Variants in RBSN observed in about 807,000 individuals in gnomAD.
RBSN encodes rabenosyn-5.
A neutral mutation model predicts 60.5 loss-of-function variants in RBSN; 34 were observed. The observed-to-expected ratio is 0.56, with a 90% CI of 0.43 to 0.75. RBSN has a LOEUF of 0.75. Ranked by LOEUF, RBSN falls within the 30% of genes least tolerant of loss-of-function variation. The pLI is 0.00. For synonymous variants in RBSN, 322 were observed against 366.9 expected (o/e 0.88, Z 1.40); for missense variants, 845 against 986.8 (o/e 0.86, Z 1.92).
intron 4 of RBSN, among the ~76,000 whole-genome samples, chr3:15,095,320 G>A (rs546890614): frequency 1.9e-4 from 29 of 149,954 alleles, no homozygotes; most frequent in African/African-American, 6.4e-4. Context: ...CACTGTGCCC[G>A]CCCAGAGGAG....
Position 15,074,145 on chromosome 3 carries a change from G to T in RBSN, c.1992C>A (p.Phe664Leu). 1.2e-6 allele frequency: 2 copies of T among 1,613,976 alleles called. No individual in the cohort carries two copies. The highest frequency in any genetic ancestry group is 1.7e-5 in the Admixed American group (1 of 60,000). Residue 664 changes from phenylalanine (F) to leucine (L), a missense_variant, in exon 14 of 14, where the codon TTC (phenylalanine) becomes TTA (leucine). Coordinates refer to ENST00000253699, the MANE Select transcript of RBSN (RefSeq NM_022340.4). The surrounding 1 kb of genome is among the most constrained non-coding windows in gnomAD (Gnocchi z 6.4). Reference sequence around the variant, plus strand: ...CTTCCTCCTCCTCGTCCTCTTCCTCGAAAGGATTGTACTCTTTCAGGATGC... The same window carrying T: ...CTTCCTCCTCCTCGTCCTCTTCCTCTAAAGGATTGTACTCTTTCAGGATGC... ...SARILKEYNPFEEEDEEEEAV... is the reference protein window; with the variant it reads ...SARILKEYNPLEEEDEEEEAV...
intron 5 of RBSN, among the ~76,000 whole-genome samples, chr3:15,087,439 G>A (rs917991771): frequency 2.0e-5 from 3 of 152,168 alleles, no homozygotes; most frequent in Non-Finnish European, 4.4e-5. Context: ...TGAACCCAGA[G>A]GCAAAGGTTG....
intron 4 of RBSN, among the ~76,000 whole-genome samples, chr3:15,093,750 G>A (rs2043577494): frequency 6.6e-6 from 1 of 152,114 alleles, no homozygotes; most frequent in African/African-American, 2.4e-5. Flanking sequence ...TGCCCAGGCT[G>A]GAGTGCAGTG....
rs2043289841 is a variant in RBSN at position 15,084,621 on chromosome 3, A to G, written c.598+114T>C. 3.7e-6 allele frequency: 5 copies of G among 1,339,008 alleles called. No individual in the cohort carries two copies. In the East Asian group the frequency reaches 1.2e-4, roughly 31 times the overall value. The allele number at this position is 1,339,008 out of a possible 1,614,324, so 82.9% of individuals were successfully genotyped here. ...AGAAACAGCAACTCAATGAATGAAG[A>G]TTCCCATGAGCCATTAATTTAACAA... is the stretch of plus-strand genomic sequence containing the variant. On this transcript the variant is annotated intron_variant, in intron 8 of 13. Transcript: ENST00000253699. The surrounding 1 kb of genome is among the most constrained non-coding windows in gnomAD (Gnocchi z 4.2).
chr3:15,075,374 T>C (rs1425941505), intron 13 of RBSN: 6 of 663,598 alleles, frequency 9.0e-6, no homozygotes, highest in South Asian at 1.5e-5. Context: ...TGTGGTATTC[T>C]AGCCATGAGA....
chr3:15,091,428 T>G, intron 4 of RBSN: 2 of 1,268,264 alleles, frequency 1.6e-6, no homozygotes, highest in Non-Finnish European at 2.0e-6. Flanking sequence ...TCCCCACTAC[T>G]GCCCACGCAC....
rs1050101359 is a variant in RBSN, at chr3:15,080,787, T to G, written c.856A>C (p.Met286Leu). The G allele has an allele frequency of 1.2e-6, 2 of 1,613,998 alleles. No individual in the cohort carries two copies. Among genetic ancestry groups the G allele is most frequent in the Admixed American group, 3.3e-5 (2 of 59,988 alleles). The change falls in exon 10 of 14, where the codon ATG (methionine) becomes CTG (leucine). Residue 286 changes from methionine to leucine, a missense_variant. Physicochemically the swap from Met to Leu is conservative, Grantham distance 15. Coordinates refer to ENST00000253699, the MANE Select transcript of RBSN (RefSeq NM_022340.4). ...GGAGCTTTCTGGTCAACTTTCTCCA[T>G]GCAAAGTCGTAATTTCTAAGAACAA... ...VKLYEKLRLC[M>L]EKVDQKAPEY...
Position 15,074,743 on chromosome 3 carries a change from T to G in RBSN, c.1394A>C (p.Asn465Thr). 4 of 1,614,242 alleles carry G rather than the reference T, an allele frequency of 2.5e-6. No individual in the cohort carries two copies. Among genetic ancestry groups the G allele is most frequent in the Non-Finnish European group, 2.5e-6 (3 of 1,180,038 alleles). Residue 465 changes from asparagine to threonine, a missense_variant, in exon 14 of 14, where the codon AAC becomes ACC. Asn to Thr is a moderately conservative substitution (Grantham distance 65, BLOSUM62 0). Coordinates refer to ENST00000253699, the MANE Select transcript of RBSN (RefSeq NM_022340.4). This position sits in a 1 kb window ranked among gnomAD's most constrained non-coding sequence, Gnocchi z 6.4. ...DSDPLLQQIH[N>T]ITSFIRQAKA... ...GGCCTGCCTGATGAATGATGTGATGTTGTGGATCTGCTGGAGGAGCGGGTC... is the reference window on the plus strand; with the variant it reads ...GGCCTGCCTGATGAATGATGTGATGGTGTGGATCTGCTGGAGGAGCGGGTC...
intron 5 of RBSN, among the ~76,000 whole-genome samples, chr3:15,087,805 G>C (rs370429024): frequency 6.6e-6 from 1 of 152,074 alleles, no homozygotes; most frequent in Non-Finnish European, 1.5e-5. Flanking sequence ...ATTTTTAGTA[G>C]AGACAGGGTC....
In RBSN at chr3:15,073,797, C is replaced by A. The variant is rs142390372; in HGVS notation, c.2340G>T (p.Lys780Asn). Reference protein sequence around the residue: ...RELKHTLAKQKGGTD With the variant: ...RELKHTLAKQNGGTD ...CCACTGCTGGTCAGTCAGTGCCCCC[C>A]TTCTGCTTGGCCAGGGTGTGCTTCA... is the stretch of plus-strand genomic sequence containing the variant. The change falls in exon 14 of 14, where the codon AAG becomes AAT. Residue 780 changes from lysine to asparagine, a missense_variant. Lys to Asn is a moderately conservative substitution (Grantham distance 94). Transcript: ENST00000253699. 3.9e-5 allele frequency: 62 copies of A among 1,603,400 alleles called. No individual in the cohort carries two copies. The highest frequency in any genetic ancestry group is 5.1e-5 in the Non-Finnish European group (60 of 1,175,422).
intron 11 of RBSN, 23 bp downstream of exon 11, chr3:15,078,052 G>T: frequency 6.2e-7 from 1 of 1,604,570 alleles, no homozygotes; most frequent in South Asian, 1.1e-5. Flanking sequence ...CCAGCGGGCA[G>T]GATACCACTT....
chr3:15,076,588 A>G (rs2043061925), intron 12 of RBSN, among the ~76,000 whole-genome samples: 2 of 152,244 alleles, frequency 1.3e-5, no homozygotes, highest in Admixed American at 6.5e-5. Context: ...CTAACCACTT[A>G]GGTTAGTCTG....
At chr3:15,088,986 C>T (rs1245861012) in intron 5 of RBSN, among the ~76,000 whole-genome samples, 1 of 152,140 alleles carries the variant, frequency 6.6e-6, no homozygotes, top group African/African-American at 2.4e-5. Context: ...CTTGGAGCTC[C>T]AGTTTCCTCA....
chr3:15,094,012 C>T (rs528872553), intron 4 of RBSN, among the ~76,000 whole-genome samples: 3 of 152,306 alleles, frequency 2.0e-5, no homozygotes, highest in African/African-American at 7.2e-5. Flanking sequence ...GCCAAGGATC[C>T]TTTCAAGTTT....
intron 10 of RBSN, among the ~76,000 whole-genome samples, chr3:15,078,625 G>A (rs893085725): frequency 1.3e-4 from 20 of 151,406 alleles, no homozygotes; most frequent in Non-Finnish European, 2.5e-4. Flanking sequence ...GCCAGGCATC[G>A]TGGTGGGTGC....
rs78009104 is a variant in RBSN at position 15,073,005 on chromosome 3, G to A, written c.*777C>T. The A allele has an allele frequency of 0.031, 4,691 of 152,314 alleles. 137 individuals carry two copies. The highest frequency in any genetic ancestry group is 0.12 in the East Asian group (612 of 5,180). The allele number at this position is 152,314 out of a possible 1,614,324, so 9.4% of individuals were successfully genotyped here. A position where few individuals can be genotyped will look rare whatever the true frequency, so the allele number is the denominator to read the frequency against. Reference sequence around the variant, plus strand: ...TGCGATTACAGGCGTGAGCCAGCGCGCCCGGCCACCACTCTTATTTTCTAA... The same window carrying A: ...TGCGATTACAGGCGTGAGCCAGCGCACCCGGCCACCACTCTTATTTTCTAA... On this transcript the variant is annotated 3_prime_UTR_variant, in exon 14 of 14. Transcript: ENST00000253699.
At position 15,074,381 on chromosome 3, in the gene RBSN, G is replaced by A. The variant is rs1358125865; in HGVS notation, c.1756C>T (p.Pro586Ser). ...GSSPVPSSTA[P>S]KTPSLSSTQP... Reference sequence around the variant, plus strand: ...GTTGAGCTAAGTGAAGGGGTCTTGGGAGCTGTGCTGCTTGGAACTGGGGAA... The same window carrying A: ...GTTGAGCTAAGTGAAGGGGTCTTGGAAGCTGTGCTGCTTGGAACTGGGGAA... Residue 586 changes from proline to serine, a missense_variant, in exon 14 of 14, where the codon CCC (proline) becomes TCC (serine). Pro to Ser is a moderately conservative substitution (Grantham distance 74). Transcript: ENST00000253699. The surrounding 1 kb of genome is among the most constrained non-coding windows in gnomAD (Gnocchi z 6.4). 2.5e-6 allele frequency: 4 copies of A among 1,614,058 alleles called. No homozygotes were observed. The highest frequency in any genetic ancestry group is 3.4e-6 in the Non-Finnish European group (4 of 1,180,026).
chr3:15,098,493 T>C (rs543844914), intron 1 of RBSN, among the ~76,000 whole-genome samples: 1 of 138,024 alleles, frequency 7.2e-6, no homozygotes, highest in South Asian at 2.3e-4. Flanking sequence ...TATAGCTACA[T>C]GTTCTGCAGC....
At position 15,090,508 on chromosome 3, in the gene RBSN, G is replaced by C; in HGVS notation, c.180C>G (p.Asp60Glu). Residue 60 changes from aspartate (D) to glutamate (E), a missense_variant, in exon 5 of 14, where the codon GAC (aspartate) becomes GAG (glutamate). Physicochemically the swap from Asp to Glu is conservative, Grantham distance 45. Transcript: ENST00000253699. ...SLVQKAKKAK[D>E]RLLKREGDDR... ...CATCCCCTTCTCGTTTCAACAACCTGTCCTTTGCTTTTTTAGCCTTCTGGA... is the reference window on the plus strand; with the variant it reads ...CATCCCCTTCTCGTTTCAACAACCTCTCCTTTGCTTTTTTAGCCTTCTGGA... 6.2e-7 allele frequency: 1 copy of C among 1,614,084 alleles called. No homozygotes were observed. The highest frequency in any genetic ancestry group is 1.7e-5 in the Admixed American group (1 of 60,014).
Sources: gnomAD v4.1 joint callset for allele counts (sites outside exome capture counted in the v4.1 genomes callset) on GRCh38, gnomAD v4.1.1 for gene constraint, Gnocchi (gnomAD v3.1) non-coding constraint, MANE v1.5 for transcripts, NCBI Gene and HGNC (gene_info 2026-07-23, HGNC 2026-07-21) for gene names.